HHAT: variants seen among roughly 807,000 people sequenced by gnomAD.
HHAT encodes hedgehog acyltransferase.
Under a neutral mutation model 70.8 loss-of-function variants are expected in HHAT, and 47 were observed. The observed-to-expected ratio is 0.66, with a 90% CI of 0.53 to 0.85. HHAT has a LOEUF of 0.85. Among genes scored for constraint, HHAT ranks in the 40% least tolerant of loss-of-function variants. The probability of loss-of-function intolerance (pLI) is 0.00; values close to 1 mark genes in which losing one functional copy is unlikely to be tolerated. For synonymous variants in HHAT, 228 were observed against 247.6 expected (o/e 0.92, Z 0.74); for missense variants, 609 against 604.8 (o/e 1.01, Z -0.07).
At chr1:210,587,399 T>C (rs1344413301) in intron 9 of HHAT, among the ~76,000 whole-genome samples, 1 of 152,012 alleles carries the variant, frequency 6.6e-6, no homozygotes, top group Non-Finnish European at 1.5e-5. Flanking sequence ...GAGAACAGCA[T>C]AGGAAAAACC....
At chr1:210,413,764 A>T (rs976397287) in intron 6 of HHAT, among the ~76,000 whole-genome samples, 1 of 152,162 alleles carries the variant, frequency 6.6e-6, no homozygotes, top group Non-Finnish European at 1.5e-5. Flanking sequence ...TTCCACCAAC[A>T]TTCTGTTCAC....
chr1:210,501,535 G>T (rs1397296775), intron 8 of HHAT, among the ~76,000 whole-genome samples: 1 of 152,206 alleles, frequency 6.6e-6, no homozygotes, highest in Non-Finnish European at 1.5e-5. Context: ...TGCTGATCTT[G>T]GCTGCCTGCA....
At chr1:210,445,571 A>C (rs542891872) in intron 7 of HHAT, among the ~76,000 whole-genome samples, 15 of 152,348 alleles carry the variant, frequency 9.8e-5, no homozygotes, top group African/African-American at 3.6e-4. Context: ...ACATATTTAC[A>C]TAACCCTTTT....
intron 7 of HHAT, among the ~76,000 whole-genome samples, chr1:210,438,134 T>C (rs959964695): frequency 3.3e-5 from 5 of 151,684 alleles, no homozygotes; most frequent in Non-Finnish European, 7.4e-5. Context: ...AGGAGTTCTC[T>C]TTTCCTGCAA....
At chr1:210,378,146 T>C (rs1337919678) in intron 3 of HHAT, among the ~76,000 whole-genome samples, 1 of 152,348 alleles carries the variant, frequency 6.6e-6, no homozygotes, top group African/African-American at 2.4e-5. Flanking sequence ...GCCTCTTTTG[T>C]GCAGAATTCT....
At chr1:210,501,192 A>G (rs191069300) in intron 8 of HHAT, among the ~76,000 whole-genome samples, 2 of 152,360 alleles carry the variant, frequency 1.3e-5, no homozygotes, top group Admixed American at 6.5e-5. Flanking sequence ...CTCTAATGCC[A>G]TGCCTGGCAC....
chr1:210,489,181 G>T (rs1375970831), intron 8 of HHAT, among the ~76,000 whole-genome samples: 1 of 152,180 alleles, frequency 6.6e-6, no homozygotes, highest in Non-Finnish European at 1.5e-5. Flanking sequence ...TTTAAATGCA[G>T]TGCAAGTTAT....
intron 11 of HHAT, among the ~76,000 whole-genome samples, chr1:210,645,368 C>T (rs112240682): frequency 6.6e-6 from 1 of 152,176 alleles, no homozygotes; most frequent in African/African-American, 2.4e-5. Context: ...AGCTCTGCCC[C>T]CCGGGTTCAC....
chr1:210,623,682 G>A lies in HHAT; in HGVS notation c.1390+12G>A. On this transcript the variant is annotated intron_variant, in intron 11 of 11. Coordinates refer to ENST00000261458, the MANE Select transcript of HHAT (RefSeq NM_018194.6). ...GATCTTCATACAAGGTAAGTTGCTTGACAGTGCTGTTTTCAGTCAGTTTCT... is the reference window on the plus strand; with the variant it reads ...GATCTTCATACAAGGTAAGTTGCTTAACAGTGCTGTTTTCAGTCAGTTTCT... The A allele has an allele frequency of 6.2e-7, 1 of 1,612,066 alleles. No individual in the cohort carries two copies. The highest frequency in any genetic ancestry group is 8.5e-7 in the Non-Finnish European group (1 of 1,178,676).
At chr1:210,362,973 C>T in intron 3 of HHAT, 54 bp downstream of exon 3, 1 of 1,349,534 alleles carries the variant, frequency 7.4e-7, no homozygotes, top group East Asian at 2.3e-5. Flanking sequence ...TTCAATATTT[C>T]ACATCACATT....
intron 8 of HHAT, among the ~76,000 whole-genome samples, chr1:210,496,695 C>T (rs1363435594): frequency 6.6e-6 from 1 of 152,122 alleles, no homozygotes; most frequent in Non-Finnish European, 1.5e-5. Flanking sequence ...AGCAGAAGCC[C>T]ATTTAGGAAG....
At chr1:210,344,957 C>T (rs1229323449) in intron 1 of HHAT, among the ~76,000 whole-genome samples, 2 of 152,182 alleles carry the variant, frequency 1.3e-5, no homozygotes, top group South Asian at 2.1e-4. Context: ...CACCCCATGC[C>T]GCAACTTGCT....
At chr1:210,570,540 G>T (rs1042666488) in intron 9 of HHAT, among the ~76,000 whole-genome samples, 1 of 152,166 alleles carries the variant, frequency 6.6e-6, no homozygotes, top group African/African-American at 2.4e-5. Flanking sequence ...GTGCCCAGGG[G>T]CTGGTGCTAC....
chr1:210,394,613 G>A (rs1395887064), intron 4 of HHAT, among the ~76,000 whole-genome samples: 2 of 152,112 alleles, frequency 1.3e-5, no homozygotes, highest in Non-Finnish European at 1.5e-5. Flanking sequence ...CCACAGAGCC[G>A]GGTTCTCACT....
chr1:210,630,645 G>C (rs375095189), intron 11 of HHAT, among the ~76,000 whole-genome samples: 2 of 152,108 alleles, frequency 1.3e-5, no homozygotes, highest in African/African-American at 2.4e-5. Flanking sequence ...TCTCCCACCC[G>C]CTCTCAGTCT....
At position 210,652,498 on chromosome 1, in the gene HHAT, C is replaced by G. The variant is rs183560724; in HGVS notation, c.1391-21790C>G. On this transcript the variant is annotated intron_variant, in intron 11 of 11. Transcript: ENST00000261458. Reference sequence around the variant, plus strand: ...AGCACAGAGCCCAGCGTGTGAGCACCTGGAGACATCAAGGTGCCCGGCCAT... The same window carrying G: ...AGCACAGAGCCCAGCGTGTGAGCACGTGGAGACATCAAGGTGCCCGGCCAT... Among the ~76,000 whole-genome samples the G allele has an allele frequency of 4.2e-3, 635 of 152,302 alleles. 10 individuals are homozygous for G. The highest frequency in any genetic ancestry group is 5.3e-3 in the Non-Finnish European group (362 of 68,034).
At chr1:210,578,153 C>G (rs1291363285) in intron 9 of HHAT, among the ~76,000 whole-genome samples, 1 of 152,120 alleles carries the variant, frequency 6.6e-6, no homozygotes. Context: ...TTTTTAATTA[C>G]TGATTCATTC....
intron 6 of HHAT, among the ~76,000 whole-genome samples, chr1:210,411,629 C>A (rs1192184999): frequency 6.6e-6 from 1 of 152,116 alleles, no homozygotes; most frequent in Non-Finnish European, 1.5e-5. Context: ...GTGGTACATG[C>A]CTGTAGTCCC....
At chr1:210,415,148 A>AT (rs1458097571) in intron 6 of HHAT, among the ~76,000 whole-genome samples, 7 of 152,238 alleles carry the variant, frequency 4.6e-5, no homozygotes. Flanking sequence ...AGTAGTTTTC[A>AT]TGACCATACA....
Sources: allele counts gnomAD v4.1 joint callset (sites outside exome capture counted in the v4.1 genomes callset), GRCh38; gene constraint gnomAD v4.1.1; transcripts MANE v1.5; gene names NCBI Gene and HGNC (gene_info 2026-07-23, HGNC 2026-07-21).